BCR: variants seen among roughly 807,000 people sequenced by gnomAD.
The protein encoded by BCR is BCR activator of RhoGEF and GTPase.
Under a neutral mutation model 138.6 loss-of-function variants are expected in BCR, and 58 were observed. The observed-to-expected ratio is 0.42, with a 90% CI of 0.34 to 0.52. BCR has a LOEUF of 0.52. Ranked by LOEUF, BCR falls within the 20% of genes least tolerant of loss-of-function variation. The pLI, the probability that BCR is intolerant of heterozygous loss-of-function variation, is 0.06. For missense variants in BCR, 1,599 were observed against 1,727.2 expected (o/e 0.93, Z 1.32); for synonymous variants, 786 against 730.1 (o/e 1.08, Z -1.23).
In BCR at chr22:23,262,306, C is replaced by T. The variant is rs140824542; in HGVS notation, c.1752+766C>T. Among the ~76,000 whole-genome samples the T allele has an allele frequency of 3.1e-3, 467 of 152,334 alleles. 4 individuals are homozygous for T. Among genetic ancestry groups the T allele is most frequent in the African/African-American group, 0.011 (447 of 41,584 alleles). On this transcript the variant is annotated intron_variant, in intron 4 of 22. Coordinates refer to ENST00000305877, the MANE Select transcript of BCR (RefSeq NM_004327.4). ...CTACCGAGACACACAGCTCTGGCCT[C>T]GGGCCTCCCCTTGGCTGGTGCTGGG... is the stretch of plus-strand genomic sequence containing the variant.
intron 17 of BCR, chr22:23,310,122 C>A: frequency 1.9e-6 from 1 of 519,044 alleles, no homozygotes; most frequent in Non-Finnish European, 3.6e-6. Flanking sequence ...TCTGCAGAAA[C>A]CAGTCGTTTA....
chr22:23,263,477 G>C (rs756277761), intron 4 of BCR: 22 of 1,535,610 alleles, frequency 1.4e-5, no homozygotes, highest in Non-Finnish European at 1.9e-5. Context: ...GATGCAGTCA[G>C]ATGCCCTGGA....
chr22:23,289,645 C>T (rs2146305987), intron 13 of BCR, 24 bp downstream of exon 13: 8 of 1,590,838 alleles, frequency 5.0e-6, no homozygotes, highest in South Asian at 1.1e-5. Flanking sequence ...TTTCCGTGTA[C>T]AGGGCACCTG....
chr22:23,315,573 C>T lies in BCR; in HGVS notation c.*51C>T, dbSNP rs2074062283. Reference sequence around the variant, plus strand: ...GGACAGATGGCCTGGAAACCTCTGGCTAATCGGGCCATCCGTAGAGCGGGA... The same window carrying T: ...GGACAGATGGCCTGGAAACCTCTGGTTAATCGGGCCATCCGTAGAGCGGGA... On this transcript the variant is annotated 3_prime_UTR_variant, in exon 23 of 23. Transcript: ENST00000305877. The T allele has an allele frequency of 1.3e-6, 2 of 1,545,452 alleles. No individual in the cohort carries two copies. The highest frequency in any genetic ancestry group is 1.8e-6 in the Non-Finnish European group (2 of 1,120,768).
chr22:23,183,269 T>C (rs563027367), intron 1 of BCR, among the ~76,000 whole-genome samples: 1 of 152,340 alleles, frequency 6.6e-6, no homozygotes, highest in Admixed American at 6.5e-5. Flanking sequence ...CGGGAATCTT[T>C]TGGAGTCCTG....
intron 4 of BCR, 188 bp downstream of exon 4, chr22:23,261,728 A>T: frequency 4.6e-6 from 2 of 435,586 alleles, no homozygotes; most frequent in Non-Finnish European, 7.8e-6. Flanking sequence ...CGCCATGCCC[A>T]GCCTTTTTTT....
intron 1 of BCR, among the ~76,000 whole-genome samples, chr22:23,248,062 GGCTGGGC>G (rs2073175568): frequency 6.6e-6 from 1 of 152,174 alleles, no homozygotes; most frequent in Non-Finnish European, 1.5e-5. Flanking sequence ...TTCTTTTAGA[GGCTGGGC>G]GCAGTGGCTC....
intron 1 of BCR, among the ~76,000 whole-genome samples, chr22:23,185,493 G>A (rs1004275715): frequency 6.6e-6 from 1 of 151,960 alleles, no homozygotes; most frequent in Non-Finnish European, 1.5e-5. Context: ...GTGAAACCCC[G>A]TCTCTACTAA....
intron 10 of BCR, 25 bp from the exon 11 acceptor site, chr22:23,287,134 G>A: frequency 1.9e-6 from 3 of 1,570,946 alleles, no homozygotes; most frequent in East Asian, 2.3e-5. Context: ...GAATGGGAAG[G>A]TGAGGCTGTG....
intron 1 of BCR, among the ~76,000 whole-genome samples, chr22:23,249,302 C>CT (rs1370387976): frequency 6.6e-6 from 1 of 151,976 alleles, no homozygotes; most frequent in Non-Finnish European, 1.5e-5. Flanking sequence ...CGTGGTGGCG[C>CT]ACGCCTGTAG....
chr22:23,206,857 A>G (rs910490324), intron 1 of BCR, among the ~76,000 whole-genome samples: 13 of 139,856 alleles, frequency 9.3e-5, no homozygotes, highest in Non-Finnish European at 1.5e-4. Context: ...CATCCATCCA[A>G]CCAGTCATAC....
At chr22:23,229,607 T>A (rs1379723326) in intron 1 of BCR, among the ~76,000 whole-genome samples, 1 of 152,220 alleles carries the variant, frequency 6.6e-6, no homozygotes, top group African/African-American at 2.4e-5. Flanking sequence ...AGGGATCAGT[T>A]TGAAACTGGG....
intron 8 of BCR, among the ~76,000 whole-genome samples, chr22:23,277,241 G>C (rs1057086305): frequency 2.6e-5 from 4 of 152,236 alleles, no homozygotes; most frequent in Admixed American, 1.3e-4. Flanking sequence ...TGTGGGGTCA[G>C]AGGTGATCTC....
intron 1 of BCR, among the ~76,000 whole-genome samples, chr22:23,209,066 C>T (rs2072650224): frequency 6.6e-6 from 1 of 152,004 alleles, no homozygotes; most frequent in South Asian, 2.1e-4. Flanking sequence ...GCATTAGAAT[C>T]TCCTTTCTTT....
chr22:23,263,835 T>TA (rs2073402575), intron 4 of BCR: 1 of 1,108,324 alleles, frequency 9.0e-7, no homozygotes, highest in African/African-American at 1.5e-5. Context: ...GTAGTGTTTA[T>TA]ACACCATCCA....
At chr22:23,259,417 A>G (rs945488452) in intron 2 of BCR, among the ~76,000 whole-genome samples, 4 of 151,730 alleles carry the variant, frequency 2.6e-5, no homozygotes, top group Non-Finnish European at 4.4e-5. Context: ...CTGTAATCCC[A>G]CCACTCTGGG....
chr22:23,233,994 G>A (rs759593165), intron 1 of BCR, among the ~76,000 whole-genome samples: 3 of 151,890 alleles, frequency 2.0e-5, no homozygotes, highest in Non-Finnish European at 2.9e-5. Context: ...TTGTGACTCA[G>A]AAATGAGCTC....
intron 8 of BCR, among the ~76,000 whole-genome samples, chr22:23,274,850 G>A (rs1255216200): frequency 1.4e-5 from 2 of 146,652 alleles, no homozygotes; most frequent in African/African-American, 2.5e-5. Flanking sequence ...GGAGTTTGCA[G>A]TGAGCCGAGA....
chr22:23,227,343 A>G (rs950472588), intron 1 of BCR, among the ~76,000 whole-genome samples: 9 of 152,194 alleles, frequency 5.9e-5, no homozygotes, highest in African/African-American at 1.9e-4. Flanking sequence ...GGAGGCTCCA[A>G]AGATATATCT....
Sources: allele counts gnomAD v4.1 joint callset (sites outside exome capture counted in the v4.1 genomes callset), GRCh38; gene constraint gnomAD v4.1.1; transcripts MANE v1.5; gene names NCBI Gene and HGNC (gene_info 2026-07-23, HGNC 2026-07-21).